RUNX1T1: variants seen among roughly 807,000 people sequenced by gnomAD.
The protein encoded by RUNX1T1 is RUNX1 partner transcriptional co-repressor 1.
Under a neutral mutation model 62.8 loss-of-function variants are expected in RUNX1T1, and 4 were observed. The observed-to-expected ratio is 0.06, with a 90% CI of 0.03 to 0.15. The LOEUF is 0.15. RUNX1T1 is among the 10% of genes least tolerant of loss of function. RUNX1T1 has a pLI of 1.00. For synonymous variants in RUNX1T1, 291 were observed against 286.0 expected, an observed-to-expected ratio of 1.02 and a Z score of -0.18; for missense variants, 508 against 754.3, an observed-to-expected ratio of 0.67 and a Z score of 3.82.
At chr8:91,999,949 G>A (rs1470509661) in intron 5 of RUNX1T1, among the ~76,000 whole-genome samples, 31 of 152,144 alleles carry the variant, frequency 2.0e-4, no homozygotes, top group Admixed American at 2.0e-3. Context: ...ACAAGTTAAA[G>A]TTGAAGCTGG....
chr8:92,065,305 A>G (rs1039075156), upstream of RUNX1T1, among the ~76,000 whole-genome samples: 2 of 152,258 alleles, frequency 1.3e-5, no homozygotes, highest in African/African-American at 4.8e-5. Context: ...AAAACAATAC[A>G]TATTGCAAAA....
At chr8:91,960,407 G>A in exon 11 of RUNX1T1, 2 of 1,614,240 alleles carry the variant, frequency 1.2e-6, no homozygotes, top group South Asian at 2.2e-5. Context: ...TCTGTCCACA[G>A]ATGTGATGGT....
intron 1 of RUNX1T1, chr8:92,095,350 C>A (rs962828421): frequency 4.6e-5 from 71 of 1,534,546 alleles, no homozygotes; most frequent in Non-Finnish European, 6.2e-5. Flanking sequence ...AGATTACCTT[C>A]TGGCAAAGGA....
At chr8:91,967,322 A>C (rs1209215511) in intron 10 of RUNX1T1, among the ~76,000 whole-genome samples, 1 of 152,146 alleles carries the variant, frequency 6.6e-6, no homozygotes, top group East Asian at 1.9e-4. Flanking sequence ...AAGCAAGAGC[A>C]GTCTTTCTTA....
At chr8:92,082,681 T>C (rs993270344) in intron 1 of RUNX1T1, among the ~76,000 whole-genome samples, 3 of 152,158 alleles carry the variant, frequency 2.0e-5, no homozygotes, top group Non-Finnish European at 2.9e-5. Context: ...AGCCACGGCA[T>C]CTCAGGCTGA....
At chr8:92,096,457 C>T (rs1187175456) in intron 1 of RUNX1T1, among the ~76,000 whole-genome samples, 1 of 152,208 alleles carries the variant, frequency 6.6e-6, no homozygotes, top group Non-Finnish European at 1.5e-5. Flanking sequence ...GAAGGAGACA[C>T]ACCTGAGTAG....
chr8:92,075,262 A>T (rs1483566303), intron 2 of RUNX1T1, among the ~76,000 whole-genome samples: 1 of 152,228 alleles, frequency 6.6e-6, no homozygotes, highest in African/African-American at 2.4e-5. Context: ...GTGCTTCTGC[A>T]CAAGTCCACT....
At chr8:92,015,046 G>C (rs987445042) in intron 2 of RUNX1T1, among the ~76,000 whole-genome samples, 6 of 152,172 alleles carry the variant, frequency 3.9e-5, no homozygotes, top group African/African-American at 1.4e-4. Context: ...CACAGAGGCT[G>C]ACAATAAATG....
At chr8:91,990,819 G>A (rs182198253) in intron 6 of RUNX1T1, among the ~76,000 whole-genome samples, 6 of 151,822 alleles carry the variant, frequency 4.0e-5, no homozygotes, top group Non-Finnish European at 8.8e-5. Context: ...CACCATGCCC[G>A]GCTAATTTTT....
intron 1 of RUNX1T1, among the ~76,000 whole-genome samples, chr8:92,024,846 G>T (rs1824841856): frequency 6.6e-6 from 1 of 152,006 alleles, no homozygotes; most frequent in Non-Finnish European, 1.5e-5. Flanking sequence ...CTCTTCCTTA[G>T]TGATTTCATT....
chr8:91,978,312 C>A (rs1340727246), intron 8 of RUNX1T1, among the ~76,000 whole-genome samples: 1 of 152,082 alleles, frequency 6.6e-6, no homozygotes, highest in Non-Finnish European at 1.5e-5. Context: ...GAGGACAATA[C>A]TACTATTATT....
At chr8:91,958,857 GA>G (rs1210951999), downstream of RUNX1T1, 2,940 of 167,176 alleles carry the variant, frequency 0.018, 3 homozygotes, top group East Asian at 0.041. Flanking sequence ...TGGTTTTCAG[GA>G]AAAAAAAAAA....
intron 1 of RUNX1T1, among the ~76,000 whole-genome samples, chr8:92,053,870 T>G (rs1159421469): frequency 6.6e-6 from 1 of 152,136 alleles, no homozygotes; most frequent in Non-Finnish European, 1.5e-5. Context: ...AAAATCAAGA[T>G]CTGAACATAA....
chr8:92,053,520 C>T (rs889341718), intron 1 of RUNX1T1, among the ~76,000 whole-genome samples: 2 of 152,148 alleles, frequency 1.3e-5, no homozygotes, highest in Non-Finnish European at 2.9e-5. Context: ...TTGTATGTTG[C>T]ATTATACTTT....
chr8:92,101,103 T>C (rs1009204285), upstream of RUNX1T1, among the ~76,000 whole-genome samples: 6 of 152,102 alleles, frequency 3.9e-5, no homozygotes, highest in African/African-American at 1.4e-4. Context: ...AGGAGGGCAA[T>C]GATAATAAAA....
chr8:92,100,699 TA>T (rs1837995396), upstream of RUNX1T1, among the ~76,000 whole-genome samples: 1 of 151,870 alleles, frequency 6.6e-6, no homozygotes, highest in Admixed American at 6.6e-5. Context: ...AAAAAATCAG[TA>T]AAGGAAAAAA....
At chr8:92,083,378 T>TG (rs1835581805) in intron 1 of RUNX1T1, among the ~76,000 whole-genome samples, 1 of 152,110 alleles carries the variant, frequency 6.6e-6, no homozygotes, top group Admixed American at 6.5e-5. Context: ...ATCCAGAATC[T>TG]ACAAGGAACT....
upstream of RUNX1T1, among the ~76,000 whole-genome samples, chr8:92,101,637 G>C (rs1838040326): frequency 6.6e-6 from 1 of 152,172 alleles, no homozygotes; most frequent in East Asian, 1.9e-4. Flanking sequence ...AGGCCTTTTG[G>C]GGGAGAGGGG....
chr8:92,017,153 A>G lies in RUNX1T1; in HGVS notation c.145+73T>C, dbSNP rs1221372197. On this transcript the variant is annotated intron_variant, in intron 2 of 10. Transcript: ENST00000396218. ...TGATGCTGAATTTTATTTTCCCTTG[A>G]TTTTTCATTTGCAGAAAAAAATTTA... The G allele has an allele frequency of 9.9e-6, 11 of 1,112,356 alleles. No individual in the cohort carries two copies. The East Asian group carries it at 2.6e-4, about 26-fold the overall frequency. The allele number at this position is 1,112,356 out of a possible 1,614,324, so 68.9% of individuals were successfully genotyped here.
Sources: allele counts gnomAD v4.1 joint callset (sites outside exome capture counted in the v4.1 genomes callset), GRCh38; gene constraint gnomAD v4.1.1; transcripts MANE v1.5; gene names NCBI Gene and HGNC (gene_info 2026-07-23, HGNC 2026-07-21).